The following SPOCK1 variants were observed in gnomAD, a reference collection of about 807,000 sequenced individuals.
SPOCK1 encodes the protein testican-1.
A neutral mutation model predicts 55.3 loss-of-function variants in SPOCK1; 23 were observed. The observed-to-expected ratio is 0.42, with a 90% CI of 0.30 to 0.59. SPOCK1 has a LOEUF of 0.59. SPOCK1 is among the 20% of genes least tolerant of loss of function. SPOCK1 has a pLI of 0.22. For missense variants in SPOCK1, 499 were observed against 552.5 expected, an observed-to-expected ratio of 0.90 and a Z score of 0.97; for synonymous variants, 226 against 221.0, an observed-to-expected ratio of 1.02 and a Z score of -0.20.
At chr5:136,984,338 A>G (rs2126959588) in intron 9 of SPOCK1, among the ~76,000 whole-genome samples, 1 of 152,292 alleles carries the variant, frequency 6.6e-6, no homozygotes, top group South Asian at 2.1e-4. Flanking sequence ...AACTTCTGAA[A>G]TGGCAGGCTG....
chr5:137,014,613 G>T (rs918059248), intron 6 of SPOCK1, among the ~76,000 whole-genome samples: 4 of 152,136 alleles, frequency 2.6e-5, no homozygotes, highest in African/African-American at 9.7e-5. Context: ...AGAAGAGAGA[G>T]ACCCTCTTGG....
intron 3 of SPOCK1, among the ~76,000 whole-genome samples, chr5:137,266,454 T>C (rs1467286687): frequency 3.3e-5 from 5 of 152,168 alleles, no homozygotes; most frequent in African/African-American, 1.2e-4. Flanking sequence ...GTTTGATGCT[T>C]GCTGGGGGAA....
intron 2 of SPOCK1, among the ~76,000 whole-genome samples, chr5:137,414,582 G>T (rs911437265): frequency 8.5e-5 from 13 of 152,128 alleles, no homozygotes; most frequent in Admixed American, 4.6e-4. Context: ...ACATTCACTT[G>T]CTGGGGGCGA....
intron 3 of SPOCK1, among the ~76,000 whole-genome samples, chr5:137,254,477 T>C (rs1270436196): frequency 6.6e-6 from 1 of 152,206 alleles, no homozygotes; most frequent in Admixed American, 6.5e-5. Flanking sequence ...TTCTGTTAGT[T>C]GCTGAGAATT....
intron 2 of SPOCK1, among the ~76,000 whole-genome samples, chr5:137,342,552 T>C (rs1750455224): frequency 6.6e-6 from 1 of 152,182 alleles, no homozygotes; most frequent in Non-Finnish European, 1.5e-5. Flanking sequence ...AAAGTCGATT[T>C]CCACTAGAAG....
rs146784717 is a variant in SPOCK1, at chr5:137,221,146, C to T, written c.232+45864G>A. On this transcript the variant is annotated intron_variant, in intron 3 of 10. Transcript: ENST00000394945. ...CAATTTTAAAAGGATTCACAAGTTT[C>T]CTCTAAATAGCCTGTTGCCTTGGAA... 7.4e-3 allele frequency among the ~76,000 whole-genome samples: 1,123 copies of T among 152,254 alleles called. 16 individuals are homozygous for T. Among genetic ancestry groups the T allele is most frequent in the African/African-American group, 0.025 (1,044 of 41,554 alleles).
chr5:137,352,202 G>A lies in SPOCK1; in HGVS notation c.187-85147C>T, dbSNP rs371210162. 4.6e-5 allele frequency among the ~76,000 whole-genome samples: 7 copies of A among 152,172 alleles called. No homozygotes were observed. The East Asian group carries it at 9.6e-4, about 21-fold the overall frequency. ...AATAAGAGCTGATATACTGCAGGCC[G>A]CCAACCAGCTGCAGTTACTATCATT... On this transcript the variant is annotated intron_variant, in intron 2 of 10. Transcript: ENST00000394945.
chr5:137,274,406 T>C (rs1438782330), intron 2 of SPOCK1, among the ~76,000 whole-genome samples: 1 of 152,216 alleles, frequency 6.6e-6, no homozygotes, highest in African/African-American at 2.4e-5. Flanking sequence ...CCTTGCACAA[T>C]CTACTCAGCT....
intron 2 of SPOCK1, among the ~76,000 whole-genome samples, chr5:137,452,319 G>T (rs1184926550): frequency 1.3e-5 from 2 of 152,150 alleles, no homozygotes; most frequent in Admixed American, 1.3e-4. Flanking sequence ...TACCAATTCT[G>T]CTGGCTTGTT....
intron 2 of SPOCK1, among the ~76,000 whole-genome samples, chr5:137,354,371 T>C (rs1750745193): frequency 6.6e-6 from 1 of 152,084 alleles, no homozygotes. Context: ...ACCTCAAACC[T>C]GGCTCCCACT....
intron 6 of SPOCK1, among the ~76,000 whole-genome samples, chr5:137,038,244 T>A (rs574697593): frequency 6.6e-6 from 1 of 152,306 alleles, no homozygotes; most frequent in South Asian, 2.1e-4. Context: ...GATGTCAAAT[T>A]ACTCTGTCTT....
intron 2 of SPOCK1, among the ~76,000 whole-genome samples, chr5:137,438,099 T>G (rs759538654): frequency 1.3e-4 from 20 of 152,128 alleles, no homozygotes; most frequent in Admixed American, 5.9e-4. Flanking sequence ...ATTTCTTTCC[T>G]TTTTTAGGCT....
intron 5 of SPOCK1, among the ~76,000 whole-genome samples, chr5:137,079,016 C>G (rs1305638033): frequency 6.6e-6 from 1 of 152,214 alleles, no homozygotes; most frequent in African/African-American, 2.4e-5. Context: ...TGTGACCCAG[C>G]TTGCAGACCA....
At chr5:137,475,415 G>C (rs1375612075) in intron 2 of SPOCK1, among the ~76,000 whole-genome samples, 2 of 152,142 alleles carry the variant, frequency 1.3e-5, no homozygotes, top group Non-Finnish European at 2.9e-5. Context: ...AATGTTTTTG[G>C]AAAGTAAGAG....
intron 6 of SPOCK1, among the ~76,000 whole-genome samples, chr5:137,035,669 C>T (rs1751870098): frequency 6.6e-6 from 1 of 152,150 alleles, no homozygotes. Context: ...ATGCCCTCCC[C>T]CTTGTCACAA....
chr5:137,282,247 C>A (rs1757179761), intron 2 of SPOCK1, among the ~76,000 whole-genome samples: 1 of 152,222 alleles, frequency 6.6e-6, no homozygotes, highest in Admixed American at 6.5e-5. Context: ...ATTTGTGATG[C>A]TGCCATTCTG....
chr5:137,165,154 T>C (rs1045451285), intron 3 of SPOCK1, among the ~76,000 whole-genome samples: 7 of 152,186 alleles, frequency 4.6e-5, no homozygotes, highest in African/African-American at 1.7e-4. Context: ...CCCAGTGTGG[T>C]CCTAGGGGTG....
intron 2 of SPOCK1, among the ~76,000 whole-genome samples, chr5:137,380,684 C>T (rs956208717): frequency 3.3e-5 from 5 of 152,264 alleles, no homozygotes; most frequent in Admixed American, 1.3e-4. Flanking sequence ...TGAGAATTTA[C>T]TCACTAATTC....
intron 3 of SPOCK1, among the ~76,000 whole-genome samples, chr5:137,263,359 A>G (rs1248500563): frequency 6.6e-6 from 1 of 152,206 alleles, no homozygotes; most frequent in African/African-American, 2.4e-5. Flanking sequence ...TTGCTGACCC[A>G]GATCCCCACT....
Sources: allele counts gnomAD v4.1 joint callset (sites outside exome capture counted in the v4.1 genomes callset), GRCh38; gene constraint gnomAD v4.1.1; transcripts MANE v1.5; gene names NCBI Gene and HGNC (gene_info 2026-07-23, HGNC 2026-07-21).